Variants in CCNE1 observed in about 807,000 individuals in gnomAD.
CCNE1 encodes G1/S-specific cyclin-E1.
Under a neutral mutation model 54.1 loss-of-function variants are expected in CCNE1, and 8 were observed. The ratio of observed to expected loss-of-function variants is 0.15; its 90% CI spans 0.09 to 0.27. The LOEUF (loss-of-function observed/expected upper bound fraction) is 0.27, where lower values mean the gene tolerates loss of function less well. CCNE1 is among the 10% of genes least tolerant of loss of function. The probability of loss-of-function intolerance (pLI) is 1.00; values close to 1 mark genes in which losing one functional copy is unlikely to be tolerated. For missense variants in CCNE1, 430 were observed against 514.9 expected, an observed-to-expected ratio of 0.84 and a Z score of 1.60; for synonymous variants, 179 against 185.2, an observed-to-expected ratio of 0.97 and a Z score of 0.27.
At chr19:29,817,045 T>A in intron 4 of CCNE1, 92 bp from the exon 5 acceptor site, 1 of 1,301,994 alleles carries the variant, frequency 7.7e-7, no homozygotes, top group Non-Finnish European at 1.1e-6. Flanking sequence ...CCTAGTATCT[T>A]ACTGAGTTGC....
chr19:29,812,740 G>A lies in CCNE1; in HGVS notation c.75G>A (p.Ser25=), dbSNP rs1277846953. 8.8e-6 allele frequency: 14 copies of A among 1,595,066 alleles called. No homozygotes were observed. The highest frequency in any genetic ancestry group is 1.1e-5 in the Non-Finnish European group (13 of 1,172,698). The change falls in exon 3 of 12, where the codon TCG becomes TCA. Residue 25 remains serine, a synonymous_variant. Coordinates refer to ENST00000262643, the MANE Select transcript of CCNE1 (RefSeq NM_001238.4). ...AGGAGGACGGCGGCGCGGAGTTCTCGGCTCGCTCCAGGAAGAGGAAGGCAA... is the reference window on the plus strand; with the variant it reads ...AGGAGGACGGCGGCGCGGAGTTCTCAGCTCGCTCCAGGAAGAGGAAGGCAA... ...TMKEDGGAEF[S]ARSRKRKANV... is the part of the protein sequence containing the mutation.
intron 7 of CCNE1, 48 bp downstream of exon 7, chr19:29,820,896 G>T (rs1974132235): frequency 7.0e-7 from 1 of 1,434,310 alleles, no homozygotes; most frequent in African/African-American, 1.4e-5. Flanking sequence ...TATTTCTCGA[G>T]CTCCACTGAG....
chr19:29,812,405 G>A (rs1373567208), intron 1 of CCNE1, 127 bp from the exon 2 acceptor site: 2 of 554,202 alleles, frequency 3.6e-6, no homozygotes, highest in African/African-American at 4.0e-5. Context: ...TGCCCGGGTC[G>A]CGGGTGACAG....
intron 3 of CCNE1, 61 bp from the exon 4 acceptor site, chr19:29,812,906 TTC>T: frequency 6.2e-7 from 1 of 1,604,964 alleles, no homozygotes; most frequent in Non-Finnish European, 8.5e-7. Context: ...CTTTCTCTTC[TTC>T]TCTCTGTTTT....
chr19:29,822,350 A>AG lies in CCNE1; in HGVS notation c.952+1dup. On this transcript the variant is annotated frameshift_variant and splice_region_variant, in exon 10 of 12. Coordinates refer to ENST00000262643, the MANE Select transcript of CCNE1 (RefSeq NM_001238.4). LOFTEE classifies it high-confidence loss of function. ...CATCTGAATTGATGCAAAAGGTTTC[A>AG]GGTAAGTTGGCTTTCCAGTGCATGC... The AG allele has an allele frequency of 6.2e-7, 1 of 1,613,904 alleles. No homozygotes were observed. The highest frequency in any genetic ancestry group is 8.5e-7 in the Non-Finnish European group (1 of 1,179,800).
In CCNE1 at chr19:29,821,736, A is replaced by G. The variant is rs1022795527; in HGVS notation, c.624A>G (p.Pro208=). Residue 208 remains proline (P), a synonymous_variant, in exon 8 of 12, where the codon CCA becomes CCG. Coordinates refer to ENST00000262643, the MANE Select transcript of CCNE1 (RefSeq NM_001238.4). ...IAAKLEEIYP[P]KLHQFAYVTD... ...TTTCCTTTCAGGAAATCTATCCTCC[A>G]AAGTTGCACCAGTTTGCGTATGTGA... The G allele has an allele frequency of 1.2e-6, 2 of 1,608,684 alleles. No homozygotes were observed. Among genetic ancestry groups the G allele is most frequent in the Non-Finnish European group, 1.7e-6 (2 of 1,175,254 alleles).
At chr19:29,821,106 T>C (rs1181360141) in intron 7 of CCNE1, among the ~76,000 whole-genome samples, 1 of 151,908 alleles carries the variant, frequency 6.6e-6, no homozygotes, top group Non-Finnish European at 1.5e-5. Flanking sequence ...TGAACTAAGA[T>C]AATAATTTTG....
intron 3 of CCNE1, 21 bp from the exon 4 acceptor site, chr19:29,812,948 A>G: frequency 1.2e-6 from 2 of 1,613,794 alleles, no homozygotes; most frequent in Non-Finnish European, 1.7e-6. Flanking sequence ...CCTTGGGGTC[A>G]TGGGGGTGGC....
Position 29,823,874 on chromosome 19 carries a change from T to C in CCNE1, c.*97T>C. 1 of 1,270,266 alleles carries C rather than the reference T, an allele frequency of 7.9e-7. No homozygotes were observed. The highest frequency in any genetic ancestry group is 1.1e-6 in the Non-Finnish European group (1 of 933,900). The allele number at this position is 1,270,266 out of a possible 1,614,324, so 78.7% of individuals were successfully genotyped here. ...GCGTGCGTTTGCTTTTACAGATATC[T>C]GAATGGAAGAGTGTTTCTTCCACAA... On this transcript the variant is annotated 3_prime_UTR_variant, in exon 12 of 12. Transcript: ENST00000262643.
intron 6 of CCNE1, among the ~76,000 whole-genome samples, chr19:29,818,350 C>CG (rs1000522945): frequency 6.6e-6 from 1 of 151,900 alleles, no homozygotes; most frequent in African/African-American, 2.4e-5. Flanking sequence ...TTAGAAGAAA[C>CG]GGGGTTTCAC....
chr19:29,817,342 C>T, intron 5 of CCNE1, 60 bp downstream of exon 5: 1 of 1,613,396 alleles, frequency 6.2e-7, no homozygotes, highest in Non-Finnish European at 8.5e-7. Flanking sequence ...CCCTTTATCC[C>T]TCATAGCATG....
At chr19:29,813,741 A>G (rs914011120) in intron 4 of CCNE1, among the ~76,000 whole-genome samples, 4 of 152,094 alleles carry the variant, frequency 2.6e-5, no homozygotes, top group African/African-American at 9.7e-5. Context: ...TCCTGCATGC[A>G]GTGTGATAAT....
Position 29,817,294 on chromosome 19 carries a change from C to T in CCNE1, c.326+12C>T. 1.9e-6 allele frequency: 3 copies of T among 1,614,166 alleles called. No homozygotes were observed. In the Middle Eastern group the frequency reaches 4.9e-4, roughly 266 times the overall value. ...CTGCCTGTACTGAGGTCAGTGCCGA[C>T]TCTGCCACATGGCTTCCAGGTCTCT... On this transcript the variant is annotated intron_variant, in intron 5 of 11. Transcript: ENST00000262643.
intron 11 of CCNE1, 30 bp from the exon 12 acceptor site, chr19:29,823,625 A>G: frequency 6.2e-7 from 1 of 1,605,782 alleles, no homozygotes; most frequent in South Asian, 1.1e-5. Flanking sequence ...TTCTACTCTA[A>G]TGTGTTGTCC....
intron 5 of CCNE1, 48 bp downstream of exon 5, chr19:29,817,330 T>C: frequency 6.2e-7 from 1 of 1,613,476 alleles, no homozygotes. Context: ...TACTCCATGC[T>C]CCCCTTTATC....
At chr19:29,820,356 G>C (rs1042556807) in intron 6 of CCNE1, among the ~76,000 whole-genome samples, 8 of 152,110 alleles carry the variant, frequency 5.3e-5, no homozygotes, top group African/African-American at 1.9e-4. Context: ...TTCAAAACCA[G>C]CCTGGCCAAC....
At chr19:29,812,293 CG>C in intron 1 of CCNE1, 141 bp downstream of exon 1, 1 of 185,650 alleles carries the variant, frequency 5.4e-6, no homozygotes, top group Non-Finnish European at 1.1e-5. Context: ...GAGAGCGCGG[CG>C]GGGTGGGGTG....
At chr19:29,815,639 TTGG>T (rs1266480584) in intron 4 of CCNE1, among the ~76,000 whole-genome samples, 11 of 141,476 alleles carry the variant, frequency 7.8e-5, no homozygotes, top group African/African-American at 2.8e-4. Context: ...TTTTTTTTTT[TTGG>T]GGGGGGGACA....
chr19:29,823,581 A>C (rs1974204600), intron 11 of CCNE1, 74 bp from the exon 12 acceptor site: 2 of 1,339,238 alleles, frequency 1.5e-6, no homozygotes, highest in Admixed American at 5.1e-5. Context: ...ATTAAAAAAG[A>C]AAAAGCCTAT....
Sources: allele counts gnomAD v4.1 joint callset (sites outside exome capture counted in the v4.1 genomes callset), GRCh38; gene constraint gnomAD v4.1.1; transcripts MANE v1.5; gene names NCBI Gene and HGNC (gene_info 2026-07-23, HGNC 2026-07-21).